Variants in BMP1 observed in about 807,000 individuals in gnomAD.
BMP1 encodes the protein bone morphogenetic protein 1.
In BMP1, 63 loss-of-function variants were observed where a neutral mutation model predicts 116.8. The ratio of observed to expected loss-of-function variants is 0.54; its 90% CI spans 0.44 to 0.67. The LOEUF is 0.67. BMP1 is among the 30% of genes least tolerant of loss of function. The probability of loss-of-function intolerance (pLI) is 0.00; values close to 1 mark genes in which losing one functional copy is unlikely to be tolerated. For missense variants in BMP1, 1,183 were observed against 1,358.9 expected (o/e 0.87, Z 2.04); for synonymous variants, 536 against 533.4 (o/e 1.00, Z -0.07).
intron 19 of BMP1, 130 bp from the exon 20 acceptor site, chr8:22,211,464 T>G: frequency 7.6e-7 from 1 of 1,323,148 alleles, no homozygotes; most frequent in Non-Finnish European, 1.1e-6. Context: ...AGCCCTATGC[T>G]TCAAGGGGCG....
At chr8:22,199,308 T>G in intron 15 of BMP1, 2 of 1,362,408 alleles carry the variant, frequency 1.5e-6, no homozygotes, top group Non-Finnish European at 9.8e-7. Flanking sequence ...GAGGAGACCC[T>G]AAGCCAAGAA....
chr8:22,174,627 C>CTTTTTTTTTTTTTTTTT (rs57781366), intron 2 of BMP1, among the ~76,000 whole-genome samples: 1 of 106,286 alleles, frequency 9.4e-6, no homozygotes, highest in African/African-American at 3.8e-5. Flanking sequence ...TTTTTTCTGT[C>CTTTTTTTTTTTTTTTTT]TTTTTTTTTT....
chr8:22,211,457 C>T lies in BMP1; in HGVS notation c.2827-137C>T. The T allele has an allele frequency of 2.4e-6, 3 of 1,238,998 alleles. No homozygotes were observed. In the South Asian group the frequency reaches 4.1e-5, roughly 17 times the overall value. The allele number at this position is 1,238,998 out of a possible 1,614,324, so 76.8% of individuals were successfully genotyped here. A position where few individuals can be genotyped will look rare whatever the true frequency, so the allele number is the denominator to read the frequency against. On this transcript the variant is annotated intron_variant, in intron 19 of 19. Coordinates refer to ENST00000306385, the MANE Select transcript of BMP1 (RefSeq NM_006129.5). ...GTTCCTCATTAAACCAGCAAGAAGC[C>T]CTATGCTTCAAGGGGCGGGGAGAAT...
In BMP1 at chr8:22,205,161, A is replaced by G. The variant is rs369121605; in HGVS notation, c.2234-1693A>G. On this transcript the variant is annotated intron_variant, in intron 16 of 19. Coordinates refer to ENST00000306385, the MANE Select transcript of BMP1 (RefSeq NM_006129.5). ...GGTGGAAGGCCCTGGCTTTGTCAGG[A>G]GGTAGGAGAGAGGTGGTCTGCCACT... 7.2e-5 allele frequency among the ~76,000 whole-genome samples: 11 copies of G among 152,116 alleles called. No homozygotes were observed. In the East Asian group the frequency reaches 1.4e-3, roughly 19 times the overall value.
At chr8:22,199,741 C>T (rs28573173) in intron 15 of BMP1, among the ~76,000 whole-genome samples, 5,552 of 152,224 alleles carry the variant, frequency 0.036, 364 homozygotes, top group African/African-American at 0.13. Flanking sequence ...CAGGATGGCT[C>T]ATAGGGTGCC....
Position 22,211,485 on chromosome 8 carries a change from G to A in BMP1, c.2827-109G>A, listed in dbSNP as rs1321381865. 6.2e-6 allele frequency: 9 copies of A among 1,456,048 alleles called. No individual in the cohort carries two copies. In the African/African-American group the frequency reaches 9.8e-5, roughly 16 times the overall value. 90.2% of individuals were successfully genotyped at this position (1,456,048 alleles called of 1,614,324 possible). On this transcript the variant is annotated intron_variant, in intron 19 of 19. Coordinates refer to ENST00000306385, the MANE Select transcript of BMP1 (RefSeq NM_006129.5). The stretch of plus-strand genomic sequence containing the variant: ...ATGCTTCAAGGGGCGGGGAGAATCT[G>A]GTGGCTGCCTGGGAGCCTCCTGCCC...
At chr8:22,197,108 C>A in intron 14 of BMP1, 132 bp from the exon 15 acceptor site, 1 of 1,229,044 alleles carries the variant, frequency 8.1e-7, no homozygotes, top group Non-Finnish European at 1.1e-6. Context: ...TTGGCGAGTA[C>A]AGGAGGATCC....
chr8:22,211,575 C>T lies in BMP1; in HGVS notation c.2827-19C>T. The T allele has an allele frequency of 6.2e-7, 1 of 1,614,120 alleles. No individual in the cohort carries two copies. Among genetic ancestry groups the T allele is most frequent in the South Asian group, 1.1e-5 (1 of 91,078 alleles). ...CAGCCCCTCTTCCTCCACCTTACCC[C>T]ATCTCTTTTCTCTGCCAGCCTCCTG... On this transcript the variant is annotated intron_variant, in intron 19 of 19. Coordinates refer to ENST00000306385, the MANE Select transcript of BMP1 (RefSeq NM_006129.5).
chr8:22,209,536 C>T lies in BMP1; in HGVS notation c.2667C>T (p.Asp889=), dbSNP rs1364294966. The change falls in exon 19 of 20, where the codon GAC becomes GAT. Residue 889 remains aspartate (D), a synonymous_variant. Transcript: ENST00000306385. ...ACAACAACTACCCTGGGGGTGTGGA[C>T]TGTGAGTGGGTCATTGTGGCCGAGG... ...FGDNNYPGGV[D]CEWVIVAEEG... 2 of 1,614,244 alleles carry T rather than the reference C, an allele frequency of 1.2e-6. No individual in the cohort carries two copies. Among genetic ancestry groups the T allele is most frequent in the South Asian group, 2.2e-5 (2 of 91,086 alleles).
chr8:22,178,058 GGAA>G, intron 6 of BMP1, 101 bp downstream of exon 6: 1 of 986,504 alleles, frequency 1.0e-6, no homozygotes, highest in Non-Finnish European at 1.5e-6. Context: ...CAGTGACCCA[GGAA>G]AAGAGTGGCC....
At chr8:22,201,009 C>CCCCAAA in intron 15 of BMP1, 2 of 486,862 alleles carry the variant, frequency 4.1e-6, no homozygotes, top group Non-Finnish European at 3.6e-6. Flanking sequence ...CCCTGCCCCT[C>CCCCAAA]AGATCCACCT....
intron 15 of BMP1, chr8:22,201,126 C>G: frequency 1.2e-6 from 2 of 1,609,556 alleles, no homozygotes; most frequent in Non-Finnish European, 1.7e-6. Flanking sequence ...AGAAAAGAGG[C>G]CAGCTCTGCA....
chr8:22,175,713 C>T (rs1338561453), intron 2 of BMP1, among the ~76,000 whole-genome samples: 1 of 152,214 alleles, frequency 6.6e-6, no homozygotes, highest in Admixed American at 6.5e-5. Flanking sequence ...CGTATGTTCT[C>T]TGTGAGGCAT....
At chr8:22,195,224 G>A (rs1829047833) in intron 12 of BMP1, among the ~76,000 whole-genome samples, 1 of 152,210 alleles carries the variant, frequency 6.6e-6, no homozygotes, top group Non-Finnish European at 1.5e-5. Context: ...CACAGTAACA[G>A]TCCCTCCGCC....
intron 8 of BMP1, among the ~76,000 whole-genome samples, chr8:22,183,032 G>T (rs1384446299): frequency 6.6e-6 from 1 of 152,212 alleles, no homozygotes; most frequent in Non-Finnish European, 1.5e-5. Flanking sequence ...TTTATTGAGA[G>T]TTGAGTAATT....
intron 15 of BMP1, chr8:22,201,500 T>C: frequency 1.4e-6 from 2 of 1,400,040 alleles, no homozygotes; most frequent in Non-Finnish European, 1.8e-6. Context: ...TGTCCATGTG[T>C]CTATTTTTCC....
At chr8:22,201,479 T>G in intron 15 of BMP1, 1 of 1,401,252 alleles carries the variant, frequency 7.1e-7, no homozygotes, top group South Asian at 1.6e-5. Context: ...TCCTTTCTCT[T>G]GCAGTCTGCT....
chr8:22,173,083 C>T (rs146021536), intron 1 of BMP1, among the ~76,000 whole-genome samples: 5 of 152,256 alleles, frequency 3.3e-5, no homozygotes, highest in African/African-American at 9.6e-5. Context: ...TTAGCTCCAC[C>T]GAAGCAGGGG....
At position 22,194,625 on chromosome 8, in the gene BMP1, C is replaced by G. The variant is rs1829026779; in HGVS notation, c.1443+35C>G. 1 of 1,609,834 alleles carries G rather than the reference C, an allele frequency of 6.2e-7. No homozygotes were observed. Among genetic ancestry groups the G allele is most frequent in the Non-Finnish European group, 8.5e-7 (1 of 1,177,118 alleles). On this transcript the variant is annotated intron_variant, in intron 11 of 19. Coordinates refer to ENST00000306385, the MANE Select transcript of BMP1 (RefSeq NM_006129.5). The surrounding 1 kb of genome is among the most constrained non-coding windows in gnomAD (Gnocchi z 4.5). ...TGGCCCTGTGATCTGACCTTTGAAT[C>G]CAGCAGTTGCTCCCTGGGACAGCTG... is the stretch of plus-strand genomic sequence containing the variant.
Sources: allele counts gnomAD v4.1 joint callset (sites outside exome capture counted in the v4.1 genomes callset), GRCh38; gene constraint gnomAD v4.1.1; non-coding constraint Gnocchi (gnomAD v3.1); transcripts MANE v1.5; gene names NCBI Gene and HGNC (gene_info 2026-07-23, HGNC 2026-07-21).